PDE4D: variants seen among roughly 807,000 people sequenced by gnomAD.
The protein encoded by PDE4D is phosphodiesterase 4D, also known as 3',5'-cyclic-AMP phosphodiesterase 4D.
A neutral mutation model predicts 87.4 loss-of-function variants in PDE4D; 24 were observed. That is an observed-to-expected ratio of 0.27 (90% CI 0.20 to 0.39). The LOEUF is 0.39. Among genes scored for constraint, PDE4D ranks in the 10% least tolerant of loss-of-function variants. The probability of loss-of-function intolerance (pLI) is 1.00; values close to 1 mark genes in which losing one functional copy is unlikely to be tolerated. For synonymous variants in PDE4D, 384 were observed against 383.2 expected, an observed-to-expected ratio of 1.00 and a Z score of -0.02; for missense variants, 714 against 1,041.0, an observed-to-expected ratio of 0.69 and a Z score of 4.32.
chr5:59,712,248 C>T (rs1421687586), intron 1 of PDE4D, among the ~76,000 whole-genome samples: 1 of 151,562 alleles, frequency 6.6e-6, no homozygotes, highest in Non-Finnish European at 1.5e-5. Flanking sequence ...TATTCATTAC[C>T]TTTCCATAGT....
chr5:59,814,447 C>G (rs1015720260), intron 1 of PDE4D, among the ~76,000 whole-genome samples: 1 of 152,148 alleles, frequency 6.6e-6, no homozygotes, highest in African/African-American at 2.4e-5. Flanking sequence ...GTCCAGCCAG[C>G]CAGGATAGGG....
intron 1 of PDE4D, among the ~76,000 whole-genome samples, chr5:59,719,149 A>C (rs765618290): frequency 1.3e-5 from 2 of 152,124 alleles, no homozygotes; most frequent in Non-Finnish European, 2.9e-5. Context: ...AAACAATGGG[A>C]CTATTCTAAA....
At chr5:60,096,051 C>G (rs1775647193) in intron 2 of PDE4D, among the ~76,000 whole-genome samples, 1 of 152,096 alleles carries the variant, frequency 6.6e-6, no homozygotes. Context: ...GCTGCCTGTT[C>G]ACTCTGATGA....
At chr5:59,637,425 C>G (rs1043321644) in intron 1 of PDE4D, among the ~76,000 whole-genome samples, 2 of 152,022 alleles carry the variant, frequency 1.3e-5, no homozygotes, top group Non-Finnish European at 2.9e-5. Flanking sequence ...ATAAATCATT[C>G]TACTATAGAG....
chr5:59,124,985 CTTTTT>C (rs796376607), intron 5 of PDE4D, among the ~76,000 whole-genome samples: 2 of 134,804 alleles, frequency 1.5e-5, no homozygotes, highest in Admixed American at 7.3e-5. Flanking sequence ...CTTTTCTTTT[CTTTTT>C]TTTTCAAATT....
chr5:60,261,826 A>G (rs773666806), intron 1 of PDE4D, among the ~76,000 whole-genome samples: 1 of 152,160 alleles, frequency 6.6e-6, no homozygotes, highest in Non-Finnish European at 1.5e-5. Flanking sequence ...TGTGCATGAA[A>G]CAGATAAAAA....
At chr5:60,329,279 G>A (rs375350794) in intron 1 of PDE4D, among the ~76,000 whole-genome samples, 4 of 152,092 alleles carry the variant, frequency 2.6e-5, no homozygotes, top group African/African-American at 7.2e-5. Flanking sequence ...TTCTTATAAT[G>A]GTGAGTGAGT....
intron 1 of PDE4D, among the ~76,000 whole-genome samples, chr5:59,863,101 C>A (rs924413691): frequency 1.3e-5 from 2 of 152,134 alleles, no homozygotes; most frequent in Non-Finnish European, 2.9e-5. Context: ...TCTTCTTGCT[C>A]CAACATTCAA....
intron 2 of PDE4D, among the ~76,000 whole-genome samples, chr5:60,130,254 C>T (rs1209359126): frequency 6.6e-6 from 1 of 152,170 alleles, no homozygotes; most frequent in African/African-American, 2.4e-5. Context: ...ACTTAGACTG[C>T]ACAAAACAGG....
chr5:59,307,803 C>T (rs1398316238), intron 1 of PDE4D, among the ~76,000 whole-genome samples: 2 of 152,026 alleles, frequency 1.3e-5, no homozygotes, highest in East Asian at 1.9e-4. Flanking sequence ...GTCAGTGTGG[C>T]GATTCCTCAG....
intron 1 of PDE4D, among the ~76,000 whole-genome samples, chr5:60,339,929 G>C (rs1261390124): frequency 1.3e-5 from 2 of 152,250 alleles, no homozygotes; most frequent in South Asian, 2.1e-4. Flanking sequence ...ATTTGGCAGA[G>C]TCAAATCTCC....
At chr5:59,294,466 A>C (rs1195649444) in intron 1 of PDE4D, among the ~76,000 whole-genome samples, 1 of 152,168 alleles carries the variant, frequency 6.6e-6, no homozygotes, top group Non-Finnish European at 1.5e-5. Context: ...ACTGAGGCTG[A>C]CACTCTGGGC....
Position 58,999,454 on chromosome 5 carries a change from G to A in PDE4D, c.922-5989C>T, listed in dbSNP as rs769519185. On this transcript the variant is annotated intron_variant, in intron 6 of 14. Coordinates refer to ENST00000340635, the MANE Select transcript of PDE4D (RefSeq NM_001104631.2). ...AGCTTTCTAAATAATTTTGTAATCA[G>A]AGTAAGGAGTTTTCAAAAGCTAAGT... is the stretch of plus-strand genomic sequence containing the variant. 3 of 1,045,756 alleles carry A rather than the reference G, an allele frequency of 2.9e-6. No homozygotes were observed. In the Admixed American group the frequency reaches 5.9e-5, roughly 20 times the overall value. 64.8% of individuals were successfully genotyped at this position (1,045,756 alleles called of 1,614,324 possible). A position where few individuals can be genotyped will look rare whatever the true frequency, so the allele number is the denominator to read the frequency against.
chr5:60,128,603 C>A (rs552822148), intron 2 of PDE4D, among the ~76,000 whole-genome samples: 3 of 152,290 alleles, frequency 2.0e-5, no homozygotes, highest in South Asian at 4.1e-4. Flanking sequence ...AGCTGGTGAA[C>A]CAGAAACATC....
chr5:60,404,747 C>T (rs1561214685), intron 1 of PDE4D, among the ~76,000 whole-genome samples: 1 of 152,196 alleles, frequency 6.6e-6, no homozygotes. Context: ...CGTAACATGA[C>T]ATCATAATTT....
At chr5:59,718,494 A>C (rs1433557345) in intron 1 of PDE4D, among the ~76,000 whole-genome samples, 3 of 152,214 alleles carry the variant, frequency 2.0e-5, no homozygotes, top group African/African-American at 7.2e-5. Context: ...GAAGGCATAC[A>C]TGAAAAATTC....
intron 1 of PDE4D, among the ~76,000 whole-genome samples, chr5:59,309,899 C>T (rs1772223497): frequency 6.6e-6 from 1 of 152,210 alleles, no homozygotes; most frequent in Admixed American, 6.5e-5. Flanking sequence ...CAGATTGCAG[C>T]TTCTCGGTAA....
intron 5 of PDE4D, among the ~76,000 whole-genome samples, chr5:59,079,378 G>T (rs1342817967): frequency 6.6e-6 from 1 of 151,988 alleles, no homozygotes; most frequent in East Asian, 1.9e-4. Flanking sequence ...CAAACCAATG[G>T]TAGCCACTGT....
rs188857620 is a variant in PDE4D at position 59,569,537 on chromosome 5, T to C, written c.455+323631A>G. Among the ~76,000 whole-genome samples the C allele has an allele frequency of 4.0e-3, 614 of 152,328 alleles. 5 individuals are homozygous for C. Among genetic ancestry groups the C allele is most frequent in the African/African-American group, 0.014 (587 of 41,570 alleles). ...ATTTTTTATCATTGCAAACAACGCA[T>C]GTTTGTCCATCCTTACTTCGCCACC... On this transcript the variant is annotated intron_variant, in intron 1 of 14. Coordinates refer to ENST00000340635, the MANE Select transcript of PDE4D (RefSeq NM_001104631.2).
Sources: gnomAD v4.1 joint callset for allele counts (sites outside exome capture counted in the v4.1 genomes callset) on GRCh38, gnomAD v4.1.1 for gene constraint, MANE v1.5 for transcripts, NCBI Gene and HGNC (gene_info 2026-07-23, HGNC 2026-07-21) for gene names.